Variants in PREP observed in about 807,000 individuals in gnomAD.
The protein encoded by PREP is dJ355L5.1 (prolyl endopeptidase).
A neutral mutation model predicts 87.6 loss-of-function variants in PREP; 29 were observed. The ratio of observed to expected loss-of-function variants is 0.33; its 90% CI spans 0.25 to 0.45. The LOEUF (loss-of-function observed/expected upper bound fraction) is 0.45. PREP is among the 20% of genes least tolerant of loss of function. The pLI is 1.00. For synonymous variants in PREP, 337 were observed against 328.6 expected (o/e 1.03, Z -0.28); for missense variants, 695 against 886.5 (o/e 0.78, Z 2.74).
At chr6:105,398,844 A>G (rs547630078) in intron 1 of PREP, among the ~76,000 whole-genome samples, 1 of 152,194 alleles carries the variant, frequency 6.6e-6, no homozygotes, top group Non-Finnish European at 1.5e-5. Context: ...GCAGTGGCTC[A>G]CAGCCATAAT....
At position 105,319,582 on chromosome 6, in the gene PREP, C is replaced by T. The variant is rs141529902; in HGVS notation, c.1317+4083G>A. Among the ~76,000 whole-genome samples the T allele has an allele frequency of 3.9e-5, 6 of 152,324 alleles. No homozygotes were observed. In the East Asian group the frequency reaches 5.8e-4, roughly 15 times the overall value. ...ACTGAGAAGTGCCCCAGGCAACCAT[C>T]GCACAGGGTACTGAGAGTAGGATTA... On this transcript the variant is annotated intron_variant, in intron 10 of 14. Coordinates refer to ENST00000652536, the MANE Select transcript of PREP (RefSeq NM_002726.5).
At chr6:105,383,444 C>T (rs1161489716) in intron 2 of PREP, among the ~76,000 whole-genome samples, 2 of 152,136 alleles carry the variant, frequency 1.3e-5, no homozygotes, top group Non-Finnish European at 2.9e-5. Context: ...CCACAAGCAA[C>T]CCCCTACTCA....
intron 2 of PREP, among the ~76,000 whole-genome samples, chr6:105,391,990 C>T (rs185249172): frequency 2.0e-5 from 3 of 150,848 alleles, no homozygotes; most frequent in Non-Finnish European, 4.4e-5. Flanking sequence ...GAAATGTGTG[C>T]GGAATGGGAA....
chr6:105,376,077 C>G, intron 4 of PREP, 48 bp downstream of exon 4: 1 of 1,577,336 alleles, frequency 6.3e-7, no homozygotes, highest in Non-Finnish European at 8.6e-7. Flanking sequence ...TTCAGAGCTC[C>G]AAGTGAGGGT....
At chr6:105,339,511 G>T (rs1050727142) in intron 7 of PREP, among the ~76,000 whole-genome samples, 1 of 152,172 alleles carries the variant, frequency 6.6e-6, no homozygotes, top group Non-Finnish European at 1.5e-5. Flanking sequence ...CGCCAGCAAC[G>T]GAACAAAGCT....
At position 105,324,647 on chromosome 6, in the gene PREP, C is replaced by T. The variant is rs1254341490; in HGVS notation, c.1214-879G>A. ...GTATATGAAAAATTGATTTAGTGATCCCATCAGTACTTGCTGGAAAACCAA... is the reference window on the plus strand; with the variant it reads ...GTATATGAAAAATTGATTTAGTGATTCCATCAGTACTTGCTGGAAAACCAA... On this transcript the variant is annotated intron_variant, in intron 9 of 14. Transcript: ENST00000652536. 5.9e-5 allele frequency among the ~76,000 whole-genome samples: 9 copies of T among 152,224 alleles called. No homozygotes were observed. In the East Asian group the frequency reaches 1.7e-3, roughly 29 times the overall value.
At chr6:105,329,058 C>T in intron 8 of PREP, 32 bp from the exon 9 acceptor site, 1 of 1,576,830 alleles carries the variant, frequency 6.3e-7, no homozygotes, top group African/African-American at 1.4e-5. Context: ...AAACCTAATG[C>T]AATTTAAAAA....
At chr6:105,317,132 T>TA (rs1395430462) in intron 10 of PREP, among the ~76,000 whole-genome samples, 1 of 151,662 alleles carries the variant, frequency 6.6e-6, no homozygotes, top group African/African-American at 2.4e-5. Flanking sequence ...AATATATATA[T>TA]TTTTTTGTAG....
intron 10 of PREP, among the ~76,000 whole-genome samples, chr6:105,293,600 GTA>G (rs1770345388): frequency 2.7e-5 from 3 of 110,948 alleles, no homozygotes; most frequent in African/African-American, 1.3e-4. Flanking sequence ...CCTTCAATTT[GTA>G]AAAAAAAAAA....
intron 10 of PREP, among the ~76,000 whole-genome samples, chr6:105,296,810 C>CGAAGGA (rs1770421467): frequency 1.3e-5 from 2 of 151,688 alleles, no homozygotes; most frequent in South Asian, 4.2e-4. Flanking sequence ...TTATTGCCTC[C>CGAAGGA]TCTTCCTTCT....
chr6:105,339,355 C>T (rs550526643), intron 7 of PREP, among the ~76,000 whole-genome samples: 1 of 152,124 alleles, frequency 6.6e-6, no homozygotes, highest in East Asian at 1.9e-4. Flanking sequence ...ACAGAAAGGA[C>T]ACCCACACCA....
chr6:105,291,105 T>A (rs1182284463), intron 10 of PREP, among the ~76,000 whole-genome samples: 2 of 150,400 alleles, frequency 1.3e-5, no homozygotes, highest in Non-Finnish European at 2.9e-5. Context: ...ATGCCTTAAT[T>A]AAAAAATGCT....
At position 105,275,168 on chromosome 6, in the gene PREP, T is replaced by C. The variant is rs970269951; in HGVS notation, c.*2976A>G. On this transcript the variant is annotated 3_prime_UTR_variant, in exon 15 of 15. Transcript: ENST00000652536. ...CCTCCACAGCTTTCCAGCCTGTCCT[T>C]AACCTGCCTTTGAGTCTTTGCAACT... Among the ~76,000 whole-genome samples the C allele has an allele frequency of 6.6e-6, 1 of 152,206 alleles. No homozygotes were observed. The highest frequency in any genetic ancestry group is 1.5e-5 in the Non-Finnish European group (1 of 68,026).
At chr6:105,313,600 G>C (rs1237287289) in intron 10 of PREP, among the ~76,000 whole-genome samples, 1 of 152,232 alleles carries the variant, frequency 6.6e-6, no homozygotes, top group Non-Finnish European at 1.5e-5. Flanking sequence ...TCACCTATTA[G>C]GGAGGCAGAA....
chr6:105,292,572 C>T (rs1434329745), intron 10 of PREP, among the ~76,000 whole-genome samples: 1 of 152,182 alleles, frequency 6.6e-6, no homozygotes, highest in Non-Finnish European at 1.5e-5. Context: ...TACCACAATG[C>T]TTAAGGGCCC....
intron 7 of PREP, among the ~76,000 whole-genome samples, chr6:105,335,748 C>G (rs969319416): frequency 1.3e-5 from 2 of 152,060 alleles, no homozygotes; most frequent in African/African-American, 4.8e-5. Context: ...AAAAAATTAG[C>G]CGGGTGTGGT....
intron 14 of PREP, among the ~76,000 whole-genome samples, chr6:105,280,251 G>A (rs1400256349): frequency 6.6e-6 from 1 of 152,114 alleles, no homozygotes; most frequent in Non-Finnish European, 1.5e-5. Context: ...GCAGTGAGCC[G>A]AGATGGCGCC....
At chr6:105,382,503 G>T (rs966447240) in intron 2 of PREP, among the ~76,000 whole-genome samples, 4 of 152,080 alleles carry the variant, frequency 2.6e-5, no homozygotes, top group African/African-American at 9.6e-5. Flanking sequence ...TTTCTAAATG[G>T]AAGTGTAAAT....
chr6:105,320,816 T>C lies in PREP; in HGVS notation c.1317+2849A>G, dbSNP rs572441052. Among the ~76,000 whole-genome samples, 14 of 152,284 alleles carry C rather than the reference T, an allele frequency of 9.2e-5. No homozygotes were observed. In the South Asian group the frequency reaches 1.0e-3, roughly 11 times the overall value. On this transcript the variant is annotated intron_variant, in intron 10 of 14. Transcript: ENST00000652536. ...AATTGAAAATGAAAATAAAATGTAA[T>C]AGAAGCAAAAATGTGGCTTCTATTA...
Sources: allele counts gnomAD v4.1 joint callset (sites outside exome capture counted in the v4.1 genomes callset), GRCh38; gene constraint gnomAD v4.1.1; transcripts MANE v1.5; gene names NCBI Gene and HGNC (gene_info 2026-07-23, HGNC 2026-07-21).